Variants in HSPA14 observed in about 807,000 individuals in gnomAD.
HSPA14 encodes heat shock protein family A (Hsp70) member 14, also known as heat shock 70 kDa protein 14.
A neutral mutation model predicts 65.5 loss-of-function variants in HSPA14; 37 were observed. That is an observed-to-expected ratio of 0.56 (90% confidence interval 0.43 to 0.74). The LOEUF is 0.74. Among genes scored for constraint, HSPA14 ranks in the 30% least tolerant of loss-of-function variants. The pLI is 0.00. For synonymous variants in HSPA14, 203 were observed against 214.2 expected (o/e 0.95, Z 0.46); for missense variants, 564 against 607.6 (o/e 0.93, Z 0.75).
Position 14,842,335 on chromosome 10 carries a change from A to G in HSPA14, c.221+2178A>G. On this transcript the variant is annotated intron_variant, in intron 3 of 13. Coordinates refer to ENST00000378372, the MANE Select transcript of HSPA14 (RefSeq NM_016299.4). The surrounding 1 kb of genome is among the most constrained non-coding windows in gnomAD (Gnocchi z 5.2). ...GCATCCGGTGGTCCAGACAGGAGAC[A>G]CGAACTCTTCTCTCCATACTAGGCG... The G allele has an allele frequency of 6.5e-7, 1 of 1,536,146 alleles. No homozygotes were observed. The highest frequency in any genetic ancestry group is 2.4e-5 in the East Asian group (1 of 40,914).
intron 13 of HSPA14, 116 bp downstream of exon 13, chr10:14,870,783 G>GCT (rs1416439540): frequency 2.0e-6 from 2 of 997,972 alleles, no homozygotes; most frequent in African/African-American, 3.4e-5. Context: ...AACCTACAGA[G>GCT]GTTTTTATCA....
chr10:14,841,608 G>A (rs1833972313), intron 3 of HSPA14, among the ~76,000 whole-genome samples: 1 of 152,094 alleles, frequency 6.6e-6, no homozygotes, highest in African/African-American at 2.4e-5. Context: ...ATATGTTACT[G>A]TTTGTTTTAT....
intron 10 of HSPA14, among the ~76,000 whole-genome samples, chr10:14,860,030 TC>T (rs1588816781): frequency 6.6e-6 from 1 of 152,202 alleles, no homozygotes; most frequent in African/African-American, 2.4e-5. Context: ...CTTTAATACT[TC>T]CTTGTTTTCT....
intron 10 of HSPA14, among the ~76,000 whole-genome samples, chr10:14,861,266 G>A (rs1203847060): frequency 2.0e-5 from 3 of 152,030 alleles, no homozygotes; most frequent in African/African-American, 7.3e-5. Flanking sequence ...ATCTGTAAGT[G>A]GGGAGACATT....
intron 2 of HSPA14, 23 bp from the exon 3 acceptor site, chr10:14,840,051 TA>T: frequency 8.3e-7 from 1 of 1,207,778 alleles, no homozygotes; most frequent in Non-Finnish European, 1.1e-6. Context: ...AATATATATA[TA>T]TATATATTAT....
chr10:14,854,849 G>A (rs1036727168), intron 9 of HSPA14, among the ~76,000 whole-genome samples: 9 of 152,188 alleles, frequency 5.9e-5, no homozygotes, highest in African/African-American at 2.2e-4. Flanking sequence ...AACTTAATTA[G>A]GATAACATTA....
chr10:14,868,649 A>T (rs1832827506), intron 12 of HSPA14, among the ~76,000 whole-genome samples: 1 of 152,168 alleles, frequency 6.6e-6, no homozygotes, highest in Non-Finnish European at 1.5e-5. Context: ...CCAGGCATTT[A>T]TACAGAAAAT....
intron 7 of HSPA14, among the ~76,000 whole-genome samples, chr10:14,852,154 C>A (rs1026257747): frequency 1.3e-5 from 2 of 152,138 alleles, no homozygotes; most frequent in Non-Finnish European, 2.9e-5. Flanking sequence ...ACAGTTGTAT[C>A]CACATGACTG....
At chr10:14,856,368 T>C (rs557592320) in intron 10 of HSPA14, among the ~76,000 whole-genome samples, 1 of 152,288 alleles carries the variant, frequency 6.6e-6, no homozygotes, top group Admixed American at 6.5e-5. Context: ...ATTAAGTAGC[T>C]TCCTCAAGAT....
In HSPA14 at chr10:14,852,372, A is replaced by G. The variant is rs1834114571; in HGVS notation, c.575A>G (p.Asn192Ser). The change falls in exon 8 of 14, where the codon AAT becomes AGT. Residue 192 changes from asparagine to serine, a missense_variant and splice_region_variant. Physicochemically the swap from Asn to Ser is conservative, Grantham distance 46. Transcript: ENST00000378372. ...IGQDSPTGKS[N>S]ILVFKLGGTS... ...ACTTACTTTATCTTCTCTTGAAGCA[A>G]TATTTTGGTGTTTAAGCTTGGAGGA... is the stretch of plus-strand genomic sequence containing the variant. 6.2e-7 allele frequency: 1 copy of G among 1,611,988 alleles called. No individual in the cohort carries two copies. Among genetic ancestry groups the G allele is most frequent in the South Asian group, 1.1e-5 (1 of 90,654 alleles).
intron 1 of HSPA14, among the ~76,000 whole-genome samples, chr10:14,838,907 C>T (rs1457566650): frequency 6.6e-6 from 1 of 152,096 alleles, no homozygotes; most frequent in Non-Finnish European, 1.5e-5. Context: ...CTCAGGATTC[C>T]CGCGGGTGGG....
In HSPA14 at chr10:14,849,626, G is replaced by C; in HGVS notation, c.377-95G>C. The C allele has an allele frequency of 3.0e-6, 3 of 1,012,416 alleles. No homozygotes were observed. The South Asian group carries it at 4.2e-5, about 14-fold the overall frequency. 62.7% of individuals were successfully genotyped at this position (1,012,416 alleles called of 1,614,324 possible). A position where few individuals can be genotyped will look rare whatever the true frequency, so the allele number is the denominator to read the frequency against. ...GGCAAGCAAGTGTATTGGGAAATAT[G>C]TTAAGTGAGATCTTTGTCATAAATT... On this transcript the variant is annotated intron_variant, in intron 5 of 13. Coordinates refer to ENST00000378372, the MANE Select transcript of HSPA14 (RefSeq NM_016299.4).
At chr10:14,864,759 G>A (rs1054383253) in intron 10 of HSPA14, among the ~76,000 whole-genome samples, 1 of 152,162 alleles carries the variant, frequency 6.6e-6, no homozygotes, top group East Asian at 1.9e-4. Context: ...AGTCTTTGCT[G>A]TTGTGAATAG....
At chr10:14,848,472 G>A (rs1834081396) in intron 3 of HSPA14, 137 bp from the exon 4 acceptor site, 2 of 583,890 alleles carry the variant, frequency 3.4e-6, no homozygotes, top group South Asian at 5.1e-5. Context: ...AAGACTTTTA[G>A]TATTAAGCAG....
chr10:14,846,123 CTT>C lies in HSPA14; in HGVS notation c.222-2484_222-2483del, dbSNP rs1834049552. 4.1e-6 allele frequency: 4 copies of C among 969,308 alleles called. No individual in the cohort carries two copies. In the South Asian group the frequency reaches 1.4e-4, roughly 34 times the overall value. The allele number at this position is 969,308 out of a possible 1,614,324, so 60.0% of individuals were successfully genotyped here. A position where few individuals can be genotyped will look rare whatever the true frequency, so the allele number is the denominator to read the frequency against. On this transcript the variant is annotated intron_variant, in intron 3 of 13. Coordinates refer to ENST00000378372, the MANE Select transcript of HSPA14 (RefSeq NM_016299.4). ...AAGTGCCACACCAGACATATAGACT[CTT>C]TACTTTAAAAGAGCATATATTTAAG...
At chr10:14,850,071 C>T (rs1026530861) in intron 6 of HSPA14, among the ~76,000 whole-genome samples, 1 of 152,024 alleles carries the variant, frequency 6.6e-6, no homozygotes, top group Non-Finnish European at 1.5e-5. Flanking sequence ...GTCAGGAGTT[C>T]GAGACCTGCC....
chr10:14,852,000 C>G (rs1392494381), intron 7 of HSPA14, among the ~76,000 whole-genome samples: 2 of 152,162 alleles, frequency 1.3e-5, no homozygotes, highest in Admixed American at 6.6e-5. Flanking sequence ...TGTAATATAT[C>G]TACAGAACAT....
At chr10:14,868,399 C>T (rs894387502) in intron 12 of HSPA14, among the ~76,000 whole-genome samples, 6 of 151,866 alleles carry the variant, frequency 4.0e-5, no homozygotes, top group Non-Finnish European at 8.8e-5. Flanking sequence ...TTTAAAATAC[C>T]GCGTGCATAT....
chr10:14,871,473 TTA>T (rs780148623), intron 13 of HSPA14, 53 bp from the exon 14 acceptor site: 32 of 1,035,706 alleles, frequency 3.1e-5, no homozygotes, highest in South Asian at 1.2e-4. Flanking sequence ...GTTACAGACT[TTA>T]TGTTTTTATA....
Sources: gnomAD v4.1 joint callset for allele counts (sites outside exome capture counted in the v4.1 genomes callset) on GRCh38, gnomAD v4.1.1 for gene constraint, Gnocchi (gnomAD v3.1) non-coding constraint, MANE v1.5 for transcripts, NCBI Gene and HGNC (gene_info 2026-07-23, HGNC 2026-07-21) for gene names.